The following NRXN3 variants were observed in gnomAD, a reference collection of about 807,000 sequenced individuals.
NRXN3 encodes the protein neurexin III.
In NRXN3, 32 loss-of-function variants were observed where a neutral mutation model predicts 137.6. The observed-to-expected ratio is 0.23, with a 90% CI of 0.18 to 0.31. The LOEUF (loss-of-function observed/expected upper bound fraction) is 0.31, where lower values mean the gene tolerates loss of function less well. Ranked by LOEUF, NRXN3 falls within the 10% of genes least tolerant of loss-of-function variation. The pLI, the probability that NRXN3 is intolerant of heterozygous loss-of-function variation, is 1.00. For synonymous variants in NRXN3, 798 were observed against 784.5 expected (o/e 1.02, Z -0.29); for missense variants, 1,574 against 2,062.5 (o/e 0.76, Z 4.59).
intron 15 of NRXN3, among the ~76,000 whole-genome samples, chr14:79,362,785 AAC>A (rs1436438274): frequency 6.6e-6 from 1 of 152,192 alleles, no homozygotes; most frequent in Non-Finnish European, 1.5e-5. Context: ...CCAGCAAATT[AAC>A]ACAGTTCCAG....
chr14:78,543,633 A>G (rs947349524), intron 4 of NRXN3, among the ~76,000 whole-genome samples: 2 of 152,050 alleles, frequency 1.3e-5, no homozygotes, highest in African/African-American at 4.8e-5. Context: ...AACACTGCAG[A>G]GTAATCCATG....
intron 4 of NRXN3, among the ~76,000 whole-genome samples, chr14:78,437,336 CTTTTCT>C (rs1348957663): frequency 1.3e-5 from 2 of 149,160 alleles, no homozygotes; most frequent in Non-Finnish European, 3.0e-5. Context: ...TTTTTCTTTT[CTTTTCT>C]TTTTCTTTTT....
intron 4 of NRXN3, among the ~76,000 whole-genome samples, chr14:78,374,858 A>G (rs1473511287): frequency 2.0e-5 from 3 of 152,098 alleles, no homozygotes; most frequent in African/African-American, 7.2e-5. Flanking sequence ...GTGATATTTA[A>G]TTATTTGAGA....
chr14:79,260,769 G>A (rs1597989866), intron 15 of NRXN3, among the ~76,000 whole-genome samples: 1 of 152,080 alleles, frequency 6.6e-6, no homozygotes, highest in Non-Finnish European at 1.5e-5. Context: ...CCAGAGAAAT[G>A]GTATATTCTC....
chr14:79,659,038 C>T (rs868153566), intron 16 of NRXN3, among the ~76,000 whole-genome samples: 1 of 152,126 alleles, frequency 6.6e-6, no homozygotes, highest in African/African-American at 2.4e-5. Context: ...GGTAGCATCT[C>T]TTAGGTCAGC....
At chr14:79,752,225 T>TATTG (rs538320850) in intron 19 of NRXN3, among the ~76,000 whole-genome samples, 50,643 of 151,616 alleles carry the variant, frequency 0.33, 8,843 homozygotes, top group Middle Eastern at 0.43. Flanking sequence ...CTTGGTAAGC[T>TATTG]ATTGATTATT....
At chr14:79,194,830 T>C (rs988621230) in intron 15 of NRXN3, among the ~76,000 whole-genome samples, 1 of 152,224 alleles carries the variant, frequency 6.6e-6, no homozygotes, top group African/African-American at 2.4e-5. Context: ...TTGAGCTCTA[T>C]TTGTTTACAG....
intron 16 of NRXN3, among the ~76,000 whole-genome samples, chr14:79,638,009 C>G (rs1759039616): frequency 2.0e-5 from 3 of 152,038 alleles, no homozygotes; most frequent in Non-Finnish European, 4.4e-5. Context: ...AGATTACAGG[C>G]ATGAGCCACC....
chr14:78,450,667 G>A (rs1380289672), intron 4 of NRXN3, among the ~76,000 whole-genome samples: 1 of 152,206 alleles, frequency 6.6e-6, no homozygotes, highest in Non-Finnish European at 1.5e-5. Flanking sequence ...GGTCAGAGCT[G>A]TGGGCTCCTG....
At chr14:79,153,908 T>G (rs2153040958) in intron 15 of NRXN3, among the ~76,000 whole-genome samples, 2 of 152,030 alleles carry the variant, frequency 1.3e-5, no homozygotes, top group South Asian at 4.2e-4. Flanking sequence ...AGGAGTAGCA[T>G]CCTCACAGAT....
rs1432662616 is a variant in NRXN3 at position 78,293,831 on chromosome 14, A to G, written c.728-4000A>G. On this transcript the variant is annotated intron_variant, in intron 3 of 20. Coordinates refer to ENST00000335750, the MANE Select transcript of NRXN3 (RefSeq NM_001330195.2). ...CATCTTTCCCTTTTTCCTTATATGA[A>G]CTATGCATATGTATTCATTCCTTTA... Among the ~76,000 whole-genome samples, 13 of 152,210 alleles carry G rather than the reference A, an allele frequency of 8.5e-5. No individual in the cohort carries two copies. In the East Asian group the frequency reaches 1.7e-3, roughly 20 times the overall value.
At chr14:79,177,339 C>CA (rs1311397687) in intron 15 of NRXN3, among the ~76,000 whole-genome samples, 1 of 152,136 alleles carries the variant, frequency 6.6e-6, no homozygotes, top group African/African-American at 2.4e-5. Context: ...CTCCCGACTT[C>CA]AAGTTTTTCA....
intron 2 of NRXN3, among the ~76,000 whole-genome samples, chr14:78,265,145 G>C (rs959956962): frequency 6.6e-6 from 1 of 152,206 alleles, no homozygotes; most frequent in Admixed American, 6.5e-5. Context: ...TTTGGTGATA[G>C]GTTGGCACTG....
At chr14:78,901,616 A>G (rs777306388) in intron 10 of NRXN3, among the ~76,000 whole-genome samples, 17 of 152,030 alleles carry the variant, frequency 1.1e-4, no homozygotes, top group Non-Finnish European at 2.4e-4. Context: ...TCAGAATTTC[A>G]TGTCCCCTTC....
chr14:79,718,495 C>T (rs548263531), intron 19 of NRXN3, among the ~76,000 whole-genome samples: 55 of 152,266 alleles, frequency 3.6e-4, no homozygotes, highest in African/African-American at 1.3e-3. Flanking sequence ...GATTACTCTG[C>T]CATGTTGAGA....
At chr14:79,784,521 A>G (rs994782182) in intron 19 of NRXN3, among the ~76,000 whole-genome samples, 6 of 151,134 alleles carry the variant, frequency 4.0e-5, no homozygotes, top group African/African-American at 1.5e-4. Context: ...ACTGAAGGAG[A>G]TAGGCTGCAG....
intron 4 of NRXN3, among the ~76,000 whole-genome samples, chr14:78,405,810 C>T (rs1274485720): frequency 7.2e-5 from 11 of 152,152 alleles, no homozygotes; most frequent in South Asian, 4.1e-4. Context: ...ACTATGTGTA[C>T]GGCATGGAAT....
intron 16 of NRXN3, among the ~76,000 whole-genome samples, chr14:79,500,793 C>A (rs1259474779): frequency 6.6e-6 from 1 of 152,148 alleles, no homozygotes; most frequent in Non-Finnish European, 1.5e-5. Context: ...GTACATATAT[C>A]CTAGAACTAA....
chr14:79,491,457 C>T (rs1468918422), intron 16 of NRXN3, among the ~76,000 whole-genome samples: 4 of 152,134 alleles, frequency 2.6e-5, no homozygotes, highest in Non-Finnish European at 5.9e-5. Flanking sequence ...CCTTTACTAA[C>T]AAGAGAAAAA....
Sources: allele counts gnomAD v4.1 joint callset (sites outside exome capture counted in the v4.1 genomes callset), GRCh38; gene constraint gnomAD v4.1.1; transcripts MANE v1.5; gene names NCBI Gene and HGNC (gene_info 2026-07-23, HGNC 2026-07-21).